The following EYA1 variants were observed in gnomAD, a reference collection of about 807,000 sequenced individuals.
EYA1 encodes the protein EYA transcriptional coactivator and phosphatase 1.
EYA1 carries 16 observed loss-of-function variants against 82.0 expected under a neutral mutation model. The observed-to-expected ratio is 0.20, with a 90% CI of 0.13 to 0.30. The LOEUF is 0.30. EYA1 is among the 10% of genes least tolerant of loss of function. The probability of loss-of-function intolerance (pLI) is 1.00; values close to 1 mark genes in which losing one functional copy is unlikely to be tolerated. For synonymous variants in EYA1, 261 were observed against 264.4 expected (o/e 0.99, Z 0.12); for missense variants, 633 against 730.7 (o/e 0.87, Z 1.54).
intron 11 of EYA1, among the ~76,000 whole-genome samples, chr8:71,262,801 C>T (rs563446633): frequency 3.9e-5 from 6 of 152,226 alleles, no homozygotes; most frequent in Admixed American, 3.3e-4. Context: ...ATGAAGCATG[C>T]CTGTTTGGCT....
At chr8:71,381,622 CA>C (rs1441478502) in intron 2 of EYA1, among the ~76,000 whole-genome samples, 1 of 152,228 alleles carries the variant, frequency 6.6e-6, no homozygotes, top group Non-Finnish European at 1.5e-5. Flanking sequence ...GTATTACACT[CA>C]TCCTTACAGT....
At chr8:71,547,050 T>C (rs1289481978) in intron 1 of EYA1, among the ~76,000 whole-genome samples, 1 of 149,394 alleles carries the variant, frequency 6.7e-6, no homozygotes, top group African/African-American at 2.4e-5. Flanking sequence ...GCAGAGATCT[T>C]GTTTATTTTT....
chr8:71,314,323 G>A lies in EYA1; in HGVS notation c.556+3229C>T, dbSNP rs183719472. 1.2e-4 allele frequency among the ~76,000 whole-genome samples: 18 copies of A among 152,144 alleles called. No individual in the cohort carries two copies. The East Asian group carries it at 1.9e-3, about 16-fold the overall frequency. On this transcript the variant is annotated intron_variant, in intron 7 of 17. Transcript: ENST00000340726. ...ACTGCATTTAATATTTAAGAACTAC[G>A]TATTAATCACAATTAAGTACCCAAA...
At chr8:71,245,288 G>A (rs528015313) in intron 11 of EYA1, among the ~76,000 whole-genome samples, 36 of 151,956 alleles carry the variant, frequency 2.4e-4, no homozygotes, top group Admixed American at 1.2e-3. Flanking sequence ...GTACATTGGC[G>A]TGATCTCAGC....
At chr8:71,545,688 A>G (rs1326457987) in intron 1 of EYA1, among the ~76,000 whole-genome samples, 1 of 150,600 alleles carries the variant, frequency 6.6e-6, no homozygotes, top group Non-Finnish European at 1.5e-5. Context: ...CAGCCTCCCA[A>G]GTAGCTGGGA....
chr8:71,202,169 G>C (rs962021945), intron 17 of EYA1, among the ~76,000 whole-genome samples: 1 of 151,904 alleles, frequency 6.6e-6, no homozygotes, highest in Admixed American at 6.6e-5. Context: ...CATTAACAAT[G>C]CAAATCTGAA....
chr8:71,311,159 T>C (rs1389627210), intron 7 of EYA1, among the ~76,000 whole-genome samples: 3 of 152,186 alleles, frequency 2.0e-5, no homozygotes, highest in Non-Finnish European at 2.9e-5. Flanking sequence ...GATGGAACCA[T>C]AAATCTATAT....
chr8:71,453,697 A>G (rs977769519), intron 2 of EYA1, among the ~76,000 whole-genome samples: 1 of 152,160 alleles, frequency 6.6e-6, no homozygotes, highest in African/African-American at 2.4e-5. Flanking sequence ...GAGAAATAAA[A>G]TCCTTTATGG....
intron 2 of EYA1, among the ~76,000 whole-genome samples, chr8:71,387,404 G>A (rs1037028772): frequency 6.6e-5 from 10 of 152,116 alleles, no homozygotes; most frequent in Non-Finnish European, 1.5e-5. Flanking sequence ...GTTGCAATGT[G>A]TAAATGACAG....
At chr8:71,545,594 C>T (rs1323524825) in intron 1 of EYA1, among the ~76,000 whole-genome samples, 1 of 125,744 alleles carries the variant, frequency 8.0e-6, no homozygotes, top group African/African-American at 3.2e-5. Flanking sequence ...TGGAGTCTCG[C>T]TCTGTCGCCC....
chr8:71,463,620 TCTC>T (rs1808555218), intron 2 of EYA1, among the ~76,000 whole-genome samples: 1 of 72,174 alleles, frequency 1.4e-5, no homozygotes, highest in Non-Finnish European at 2.3e-5. Flanking sequence ...TCTCTCTCTC[TCTC>T]TCTCTCTCTC....
intron 4 of EYA1, among the ~76,000 whole-genome samples, chr8:71,330,134 T>C (rs1823655149): frequency 6.6e-6 from 1 of 152,092 alleles, no homozygotes; most frequent in African/African-American, 2.4e-5. Context: ...ATGATAGGGC[T>C]TGTGGGCTTT....
intron 2 of EYA1, among the ~76,000 whole-genome samples, chr8:71,433,888 A>G (rs1480475087): frequency 6.6e-6 from 1 of 152,220 alleles, no homozygotes; most frequent in Non-Finnish European, 1.5e-5. Context: ...CAGTGGAAAC[A>G]CTTCTGGCTG....
chr8:71,333,062 G>A (rs1824074924), intron 4 of EYA1, among the ~76,000 whole-genome samples: 1 of 152,068 alleles, frequency 6.6e-6, no homozygotes, highest in African/African-American at 2.4e-5. Flanking sequence ...GTACTGTGAT[G>A]GTCTGTTCAT....
At chr8:71,320,015 T>TCC (rs1366670158) in intron 6 of EYA1, among the ~76,000 whole-genome samples, 1 of 152,174 alleles carries the variant, frequency 6.6e-6, no homozygotes, top group Non-Finnish European at 1.5e-5. Flanking sequence ...CCTCGCTCTC[T>TCC]CCCCCTCCCT....
chr8:71,465,920 G>A (rs967374281), intron 2 of EYA1, among the ~76,000 whole-genome samples: 1 of 152,084 alleles, frequency 6.6e-6, no homozygotes, highest in Admixed American at 6.5e-5. Flanking sequence ...TTTCCAAGGT[G>A]ATGGAAAGAC....
intron 2 of EYA1, among the ~76,000 whole-genome samples, chr8:71,393,590 C>T (rs570414167): frequency 6.6e-5 from 10 of 152,254 alleles, no homozygotes; most frequent in African/African-American, 2.2e-4. Context: ...ATGATGGTTT[C>T]CAGCTTCATC....
In EYA1 at chr8:71,382,865, G is replaced by A. The variant is rs556111706; in HGVS notation, c.34-26354C>T. 2.0e-5 allele frequency among the ~76,000 whole-genome samples: 3 copies of A among 152,072 alleles called. No individual in the cohort carries two copies. In the South Asian group the frequency reaches 6.2e-4, roughly 32 times the overall value. ...GAAGATTCTATAACGAATACATTTT[G>A]ATTCTTAGTATTATAACAGTAGAAA... On this transcript the variant is annotated intron_variant, in intron 2 of 18. Coordinates refer to the EYA1 transcript ENST00000643681.
chr8:71,291,208 G>C (rs567072107), intron 9 of EYA1, among the ~76,000 whole-genome samples: 3 of 152,334 alleles, frequency 2.0e-5, no homozygotes, highest in African/African-American at 7.2e-5. Context: ...AGATAGCCGG[G>C]AGTTTAGTTT....
Sources: gnomAD v4.1 joint callset for allele counts (sites outside exome capture counted in the v4.1 genomes callset) on GRCh38, gnomAD v4.1.1 for gene constraint, MANE v1.5 for transcripts, NCBI Gene and HGNC (gene_info 2026-07-23, HGNC 2026-07-21) for gene names.